Variants in ANKLE2 observed in about 807,000 individuals in gnomAD.
ANKLE2 encodes ankyrin repeat and LEM domain containing 2, also known as ankyrin repeat and LEM domain-containing protein 2.
A neutral mutation model predicts 84.2 loss-of-function variants in ANKLE2; 55 were observed. That is an observed-to-expected ratio of 0.65 (90% CI 0.53 to 0.82). The LOEUF (loss-of-function observed/expected upper bound fraction) is 0.82, where lower values mean the gene tolerates loss of function less well. Ranked by LOEUF, ANKLE2 falls within the 40% of genes least tolerant of loss-of-function variation. The probability of loss-of-function intolerance (pLI) is 0.00; values close to 1 mark genes in which losing one functional copy is unlikely to be tolerated. For missense variants in ANKLE2, 1,238 were observed against 1,201.9 expected, an observed-to-expected ratio of 1.03 and a Z score of -0.44; for synonymous variants, 551 against 486.1, an observed-to-expected ratio of 1.13 and a Z score of -1.76.
intron 2 of ANKLE2, among the ~76,000 whole-genome samples, chr12:132,753,332 A>C (rs886955590): frequency 5.3e-5 from 8 of 151,952 alleles, no homozygotes; most frequent in Admixed American, 1.3e-4. Context: ...AAAAAAAAAA[A>C]CCACCAAAAA....
rs770288467 is a variant in ANKLE2, at chr12:132,754,682, C to T, written c.633G>A (p.Ala211=). 3 of 1,599,564 alleles carry T rather than the reference C, an allele frequency of 1.9e-6. No homozygotes were observed. Among genetic ancestry groups the T allele is most frequent in the South Asian group, 1.1e-5 (1 of 90,096 alleles). ...TACACACGGTCCCATTACCATTTCT[C>T]GCTGGGACGTCCTCATACACTGGAC... is the stretch of plus-strand genomic sequence containing the variant. ...GVCPVYEDVP[A]RNERIYVYEN... Residue 211 remains alanine, a synonymous_variant, in exon 2 of 13, where the codon GCG becomes GCA. Transcript: ENST00000357997.
intron 11 of ANKLE2, among the ~76,000 whole-genome samples, chr12:132,728,899 G>A (rs2043764937): frequency 6.6e-6 from 1 of 152,178 alleles, no homozygotes; most frequent in Non-Finnish European, 1.5e-5. Flanking sequence ...TTCCTAGAAG[G>A]ATTTAGAAGA....
Position 132,725,872 on chromosome 12 carries a change from T to C in ANKLE2, c.*1370A>G, listed in dbSNP as rs1566004871. 1 of 152,190 alleles carries C rather than the reference T, an allele frequency of 6.6e-6. No homozygotes were observed. Among genetic ancestry groups the C allele is most frequent in the Non-Finnish European group, 1.5e-5 (1 of 68,010 alleles). The allele number at this position is 152,190 out of a possible 1,614,324, so 9.4% of individuals were successfully genotyped here. ...TAGATCTTGTCTGCTACAAAACAAA[T>C]GAACACACCCTGTGTAACAAAATCG... is the stretch of plus-strand genomic sequence containing the variant. On this transcript the variant is annotated 3_prime_UTR_variant, in exon 13 of 13. Transcript: ENST00000357997.
intron 8 of ANKLE2, among the ~76,000 whole-genome samples, chr12:132,736,256 C>T (rs571099233): frequency 5.3e-5 from 8 of 152,332 alleles, no homozygotes; most frequent in African/African-American, 1.4e-4. Context: ...GGCCTGGAGC[C>T]GTTTTCATCG....
At chr12:132,754,185 T>A (rs2044424967) in intron 2 of ANKLE2, among the ~76,000 whole-genome samples, 1 of 152,160 alleles carries the variant, frequency 6.6e-6, no homozygotes, top group Admixed American at 6.6e-5. Context: ...GAGGTTGCAG[T>A]GAGCTGAGAT....
intron 7 of ANKLE2, chr12:132,738,941 A>G (rs1232228822): frequency 6.6e-6 from 1 of 152,250 alleles, no homozygotes; most frequent in Non-Finnish European, 1.5e-5. Context: ...TATTAAGAAC[A>G]AGATCATGTC....
chr12:132,727,033 T>C lies in ANKLE2; in HGVS notation c.*209A>G. 3 of 604,094 alleles carry C rather than the reference T, an allele frequency of 5.0e-6. No homozygotes were observed. The highest frequency in any genetic ancestry group is 2.7e-6 in the Non-Finnish European group (1 of 372,640). The allele number at this position is 604,094 out of a possible 1,614,324, so 37.4% of individuals were successfully genotyped here. On this transcript the variant is annotated 3_prime_UTR_variant, in exon 13 of 13. Transcript: ENST00000357997. ...GGATATTTTCCAGAAAATTGGTAAC[T>C]GAGTTTGCTTTCATTAACTTCTAAC...
Position 132,743,187 on chromosome 12 carries a change from G to GT in ANKLE2, c.1319dup (p.Asn440LysfsTer5), listed in dbSNP as rs764384351. The GT allele has an allele frequency of 2.5e-6, 4 of 1,610,972 alleles. No homozygotes were observed. The highest frequency in any genetic ancestry group is 3.4e-6 in the Non-Finnish European group (4 of 1,178,456). ...GTGTTTTATCATATTTATTCCTTGA[G>GT]TTTTTTACAATCAAATGGTGTGACG... is the stretch of plus-strand genomic sequence containing the variant. On this transcript the variant is annotated frameshift_variant, in exon 6 of 13. Coordinates refer to ENST00000357997, the MANE Select transcript of ANKLE2 (RefSeq NM_015114.3). LOFTEE classifies it high-confidence loss of function. This position sits in a 1 kb window ranked among gnomAD's most constrained non-coding sequence, Gnocchi z 4.1.
rs527513071 is a variant in ANKLE2 at position 132,754,943 on chromosome 12, C to T, written c.372G>A (p.Glu124=). The T allele has an allele frequency of 6.2e-6, 10 of 1,614,206 alleles. No individual in the cohort carries two copies. The African/African-American group carries it at 1.1e-4, about 17-fold the overall frequency. Residue 124 remains glutamate, a synonymous_variant, in exon 2 of 13, where the codon GAG becomes GAA. Transcript: ENST00000357997. ...CCTGGCTGAGAGCTGTGACACCTGCCTCATGGTGGTAGAAAGAAGACAGCC... is the reference window on the plus strand; with the variant it reads ...CCTGGCTGAGAGCTGTGACACCTGCTTCATGGTGGTAGAAAGAAGACAGCC... ...GGRLSSFYHH[E]AGVTALSQDP...
chr12:132,746,348 C>CAAAAAAAAAA lies in ANKLE2; in HGVS notation c.1230+1474_1230+1483dup, dbSNP rs566130639. On this transcript the variant is annotated intron_variant, in intron 5 of 12. Transcript: ENST00000357997. The stretch of plus-strand genomic sequence containing the variant: ...TGGGAGACAGAGCAAGACTCTGTCT[C>CAAAAAAAAAA]AAAAAAAAAAAAAAAAAAAGAATCA... 2.1e-3 allele frequency among the ~76,000 whole-genome samples: 142 copies of CAAAAAAAAAA among 66,486 alleles called. 4 individuals are homozygous for CAAAAAAAAAA. Among genetic ancestry groups the CAAAAAAAAAA allele is most frequent in the African/African-American group, 3.4e-3 (61 of 17,844 alleles). 43.6% of individuals were successfully genotyped at this position (66,486 alleles called of 152,430 possible). A position where few individuals can be genotyped will look rare whatever the true frequency, so the allele number is the denominator to read the frequency against.
intron 7 of ANKLE2, chr12:132,738,917 T>C (rs1233044953): frequency 3.3e-5 from 5 of 152,196 alleles, no homozygotes; most frequent in African/African-American, 1.2e-4. Context: ...ATGTGGTACA[T>C]ATATACCACA....
chr12:132,736,908 G>A lies in ANKLE2; in HGVS notation c.1578C>T (p.Pro526=), dbSNP rs368525322. The stretch of plus-strand genomic sequence containing the variant: ...AGCAGCTCACCTTGGCTGGACTCAG[G>A]GGCCCTGCGAAGGCTCTCAGGGTCA... ...PVLTLRAFAG[P]LSPAKAEDFR... Residue 526 remains proline, a synonymous_variant, in exon 8 of 13, where the codon CCC becomes CCT. Coordinates refer to ENST00000357997, the MANE Select transcript of ANKLE2 (RefSeq NM_015114.3). 1 of 1,608,856 alleles carries A rather than the reference G, an allele frequency of 6.2e-7. No individual in the cohort carries two copies. Among genetic ancestry groups the A allele is most frequent in the Non-Finnish European group, 8.5e-7 (1 of 1,176,324 alleles).
chr12:132,748,265 C>A lies in ANKLE2; in HGVS notation c.914G>T (p.Arg305Leu), dbSNP rs1372791466. The change falls in exon 4 of 13, where the codon CGC becomes CTC. Residue 305 changes from arginine (R) to leucine (L), a missense_variant. By Grantham distance (102) the Arg-to-Leu change is moderately radical. This residue lies in a region of ANKLE2 where 422 missense variants were observed against 394.5 expected (regional missense o/e 1.07). Coordinates refer to ENST00000357997, the MANE Select transcript of ANKLE2 (RefSeq NM_015114.3). ...KERANSYKNPRTQDLTAKLRK... is the reference protein window; with the variant it reads ...KERANSYKNPLTQDLTAKLRK... ...AAGCTTGGCGGTGAGGTCCTGCGTGCGGGGATTTTTGTAACTGTTCGCTCG... is the reference window on the plus strand; with the variant it reads ...AAGCTTGGCGGTGAGGTCCTGCGTGAGGGGATTTTTGTAACTGTTCGCTCG... 3.7e-6 allele frequency: 6 copies of A among 1,614,160 alleles called. No homozygotes were observed. The highest frequency in any genetic ancestry group is 5.1e-6 in the Non-Finnish European group (6 of 1,180,028).
At chr12:132,759,526 CTATAT>C (rs2044572889) in intron 1 of ANKLE2, 1 of 71,512 alleles carries the variant, frequency 1.4e-5, no homozygotes, top group African/African-American at 8.9e-5. Context: ...TATATGTATA[CTATAT>C]GTGCTATATG....
chr12:132,745,725 C>T (rs921299417), intron 5 of ANKLE2: 7 of 185,830 alleles, frequency 3.8e-5, no homozygotes, highest in African/African-American at 9.4e-5. Context: ...GGAGGGGCGA[C>T]GAGCCCGTCG....
At chr12:132,757,967 G>A (rs752502331) in intron 1 of ANKLE2, 2 of 143,606 alleles carry the variant, frequency 1.4e-5, no homozygotes, top group Non-Finnish European at 3.0e-5. Context: ...CTGGGCAACA[G>A]AGCAAGACCC....
At chr12:132,760,013 A>C (rs1372223319) in intron 1 of ANKLE2, 1 of 152,050 alleles carries the variant, frequency 6.6e-6, no homozygotes, top group African/African-American at 2.4e-5. Context: ...AGGCGCCTGT[A>C]ATCCCAGCTA....
intron 7 of ANKLE2, among the ~76,000 whole-genome samples, chr12:132,739,956 G>A (rs903512232): frequency 2.0e-5 from 3 of 152,234 alleles, no homozygotes; most frequent in Admixed American, 1.3e-4. Context: ...AGCTGCTGGG[G>A]CAGATCTTAG....
chr12:132,739,773 C>A (rs776539115), intron 7 of ANKLE2, among the ~76,000 whole-genome samples: 2 of 152,194 alleles, frequency 1.3e-5, no homozygotes, highest in Non-Finnish European at 2.9e-5. Context: ...GGCTCTGTGG[C>A]ATGTGAAGCT....
Sources: gnomAD v4.1 joint callset for allele counts (sites outside exome capture counted in the v4.1 genomes callset) on GRCh38, gnomAD v4.1.1 for gene constraint, gnomAD v4.1.1 regional missense constraint, Gnocchi (gnomAD v3.1) non-coding constraint, MANE v1.5 for transcripts, NCBI Gene and HGNC (gene_info 2026-07-23, HGNC 2026-07-21) for gene names.